The following MPP3 variants were observed in gnomAD, a reference collection of about 807,000 sequenced individuals.
MPP3 encodes the protein MAGUK p55 subfamily member 3.
MPP3 carries 48 observed loss-of-function variants against 80.7 expected under a neutral mutation model. The ratio of observed to expected loss-of-function variants is 0.59; its 90% CI spans 0.47 to 0.76. The LOEUF (loss-of-function observed/expected upper bound fraction) is 0.76, where lower values mean the gene tolerates loss of function less well. Among genes scored for constraint, MPP3 ranks in the 30% least tolerant of loss-of-function variants. The probability of loss-of-function intolerance (pLI) is 0.00; values close to 1 mark genes in which losing one functional copy is unlikely to be tolerated. For missense variants in MPP3, 620 were observed against 763.0 expected, an observed-to-expected ratio of 0.81 and a Z score of 2.21; for synonymous variants, 311 against 297.6, an observed-to-expected ratio of 1.04 and a Z score of -0.46.
chr17:43,829,505 C>T, intron 7 of MPP3, 149 bp downstream of exon 7: 3 of 891,000 alleles, frequency 3.4e-6, no homozygotes, highest in South Asian at 1.7e-5. Flanking sequence ...GTGCCCTGCA[C>T]ACAGAGGCAC....
intron 8 of MPP3, among the ~76,000 whole-genome samples, chr17:43,826,065 T>A (rs1039535008): frequency 1.3e-5 from 2 of 152,240 alleles, no homozygotes; most frequent in Non-Finnish European, 2.9e-5. Flanking sequence ...AATTTACAAG[T>A]TGGCACCTGA....
Position 43,818,026 on chromosome 17 carries a change from A to G in MPP3, c.946+20T>C. ...AACCCCGGGCCCTCCCTGGAGTGCC[A>G]TCCCTGACAATCTACTCACAGGGGG... On this transcript the variant is annotated intron_variant, in intron 12 of 19. Transcript: ENST00000398389. 5 of 1,568,910 alleles carry G rather than the reference A, an allele frequency of 3.2e-6. No homozygotes were observed. The highest frequency in any genetic ancestry group is 4.3e-6 in the Non-Finnish European group (5 of 1,157,226).
chr17:43,817,984 G>T, intron 12 of MPP3, 62 bp downstream of exon 12: 1 of 1,466,836 alleles, frequency 6.8e-7, no homozygotes, highest in Non-Finnish European at 9.2e-7. Flanking sequence ...TTCCCAGCCT[G>T]AATCCTCCCT....
At chr17:43,828,105 G>A (rs2045801357) in intron 7 of MPP3, among the ~76,000 whole-genome samples, 1 of 152,232 alleles carries the variant, frequency 6.6e-6, no homozygotes, top group African/African-American at 2.4e-5. Context: ...CACCCAGCTG[G>A]TAAAGGGGAA....
intron 17 of MPP3, 96 bp downstream of exon 17, chr17:43,811,016 C>T (rs992984983): frequency 1.4e-6 from 2 of 1,443,736 alleles, no homozygotes; most frequent in Non-Finnish European, 1.9e-6. Flanking sequence ...CCGCTTCCCC[C>T]ATCCTTTCCG....
At chr17:43,816,572 G>A (rs1229842217) in intron 13 of MPP3, 105 bp downstream of exon 13, 2 of 1,045,296 alleles carry the variant, frequency 1.9e-6, no homozygotes, top group Non-Finnish European at 2.9e-6. Flanking sequence ...GACAGTGGGA[G>A]GGGCACAGCT....
At chr17:43,808,131 G>A (rs1389434916) in intron 19 of MPP3, among the ~76,000 whole-genome samples, 1 of 152,210 alleles carries the variant, frequency 6.6e-6, no homozygotes, top group African/African-American at 2.4e-5. Context: ...AACGTGGACA[G>A]TTAAAACTGA....
chr17:43,819,622 A>G (rs2045322959), intron 11 of MPP3, among the ~76,000 whole-genome samples: 1 of 151,772 alleles, frequency 6.6e-6, no homozygotes, highest in South Asian at 2.1e-4. Flanking sequence ...CAGGGCAGAA[A>G]CCCTGGATTC....
chr17:43,815,088 T>C (rs977664061), intron 14 of MPP3, among the ~76,000 whole-genome samples: 3 of 152,238 alleles, frequency 2.0e-5, no homozygotes, highest in African/African-American at 7.2e-5. Flanking sequence ...ATCCCAGCAC[T>C]TTGGTAGGCC....
intron 11 of MPP3, 105 bp from the exon 12 acceptor site, chr17:43,818,215 T>G: frequency 9.8e-7 from 1 of 1,020,186 alleles, no homozygotes; most frequent in African/African-American, 1.7e-5. Flanking sequence ...ATCCCACAGG[T>G]GGGCACACAC....
intron 14 of MPP3, 47 bp from the exon 15 acceptor site, chr17:43,814,408 C>G: frequency 6.5e-7 from 1 of 1,542,154 alleles, no homozygotes; most frequent in Non-Finnish European, 8.7e-7. Flanking sequence ...TCCCAGTTGT[C>G]CCAGGATCTC....
chr17:43,817,030 G>A (rs536529972), intron 12 of MPP3, among the ~76,000 whole-genome samples: 6 of 152,294 alleles, frequency 3.9e-5, no homozygotes, highest in South Asian at 2.1e-4. Flanking sequence ...AGGATCCTGC[G>A]GTGGGAATAG....
At chr17:43,815,966 T>C in intron 14 of MPP3, 72 bp downstream of exon 14, 1 of 1,358,014 alleles carries the variant, frequency 7.4e-7, no homozygotes, top group Non-Finnish European at 9.8e-7. Context: ...TCACCCTGCT[T>C]TGACCTCTCC....
At chr17:43,807,043 C>G (rs2044649111) in intron 19 of MPP3, among the ~76,000 whole-genome samples, 1 of 151,756 alleles carries the variant, frequency 6.6e-6, no homozygotes, top group Non-Finnish European at 1.5e-5. Flanking sequence ...GTGATTTTGG[C>G]TCACTGCAGG....
chr17:43,806,340 A>G (rs537472584), intron 19 of MPP3, among the ~76,000 whole-genome samples: 4 of 150,798 alleles, frequency 2.7e-5, no homozygotes, highest in Non-Finnish European at 5.9e-5. Flanking sequence ...TAATTTTTGT[A>G]TTTTTAGTAG....
chr17:43,812,072 C>G (rs983505301), intron 16 of MPP3, among the ~76,000 whole-genome samples: 1 of 152,164 alleles, frequency 6.6e-6, no homozygotes, highest in African/African-American at 2.4e-5. Context: ...GACAGACCGT[C>G]CCTATATAGA....
At chr17:43,802,029 G>T in intron 19 of MPP3, 152 bp from the exon 20 acceptor site, 1 of 694,004 alleles carries the variant, frequency 1.4e-6, no homozygotes, top group Non-Finnish European at 2.3e-6. Flanking sequence ...CACAAGAACA[G>T]AGCATAGGGA....
intron 19 of MPP3, among the ~76,000 whole-genome samples, chr17:43,802,483 TAATCA>T (rs902316674): frequency 3.3e-5 from 5 of 152,188 alleles, no homozygotes; most frequent in Non-Finnish European, 7.4e-5. Flanking sequence ...TGGACAATTC[TAATCA>T]AATTCCCCAT....
rs575308523 is a variant in MPP3 at position 43,831,735 on chromosome 17, G to C, written c.26-58C>G. 9.9e-5 allele frequency: 146 copies of C among 1,470,038 alleles called. No homozygotes were observed. In the South Asian group the frequency reaches 1.6e-3, roughly 17 times the overall value. 91.1% of individuals were successfully genotyped at this position (1,470,038 alleles called of 1,614,324 possible). ...AACGCAGTGGGTGCTCCCTGCCCCC[G>C]AGGAGCCCGAGTGGGGCCTCAAACA... On this transcript the variant is annotated intron_variant, in intron 3 of 19. Transcript: ENST00000398389.
Sources: allele counts gnomAD v4.1 joint callset (sites outside exome capture counted in the v4.1 genomes callset), GRCh38; gene constraint gnomAD v4.1.1; transcripts MANE v1.5; gene names NCBI Gene and HGNC (gene_info 2026-07-23, HGNC 2026-07-21).